NXPH1: variants seen among roughly 807,000 people sequenced by gnomAD.
The protein encoded by NXPH1 is neurexophilin-1.
Under a neutral mutation model 23.7 loss-of-function variants are expected in NXPH1, and 5 were observed. The ratio of observed to expected loss-of-function variants is 0.21; its 90% CI spans 0.11 to 0.44. NXPH1 has a LOEUF of 0.44. Among genes scored for constraint, NXPH1 ranks in the 20% least tolerant of loss-of-function variants. The probability of loss-of-function intolerance (pLI) is 0.99; values close to 1 mark genes in which losing one functional copy is unlikely to be tolerated. For synonymous variants in NXPH1, 144 were observed against 122.2 expected (o/e 1.18, Z -1.18); for missense variants, 324 against 321.6 (o/e 1.01, Z -0.06).
intron 2 of NXPH1, among the ~76,000 whole-genome samples, chr7:8,740,268 A>G (rs1780338712): frequency 6.6e-6 from 1 of 152,202 alleles, no homozygotes; most frequent in Admixed American, 6.5e-5. Flanking sequence ...AGTATAAAAG[A>G]AATGAAGGAA....
At chr7:8,561,385 T>A (rs867443250) in intron 2 of NXPH1, among the ~76,000 whole-genome samples, 3 of 50,990 alleles carry the variant, frequency 5.9e-5, no homozygotes, top group Admixed American at 3.9e-4. Context: ...CACACACACC[T>A]CTCTCTCTCT....
chr7:8,631,137 A>G (rs1002670538), intron 2 of NXPH1, among the ~76,000 whole-genome samples: 3 of 152,192 alleles, frequency 2.0e-5, no homozygotes, highest in Non-Finnish European at 4.4e-5. Context: ...ATAGTATTCT[A>G]TGGTTTATAT....
At chr7:8,683,422 T>C (rs1821088984) in intron 2 of NXPH1, among the ~76,000 whole-genome samples, 1 of 152,122 alleles carries the variant, frequency 6.6e-6, no homozygotes, top group Non-Finnish European at 1.5e-5. Flanking sequence ...GGGCTATATC[T>C]CCAAAGTTTC....
chr7:8,605,272 A>G (rs190015038), intron 2 of NXPH1, among the ~76,000 whole-genome samples: 1 of 152,270 alleles, frequency 6.6e-6, no homozygotes, highest in East Asian at 1.9e-4. Context: ...GCTAATACTC[A>G]ACAGATGGCA....
At chr7:8,578,793 T>C (rs1040617529) in intron 2 of NXPH1, among the ~76,000 whole-genome samples, 2 of 152,154 alleles carry the variant, frequency 1.3e-5, no homozygotes, top group Non-Finnish European at 2.9e-5. Context: ...GCCAAAGTAA[T>C]ATAAGGACCA....
chr7:8,504,636 C>G (rs1285239684), intron 2 of NXPH1, among the ~76,000 whole-genome samples: 1 of 152,012 alleles, frequency 6.6e-6, no homozygotes, highest in African/African-American at 2.4e-5. Context: ...TCTGCATTCC[C>G]TTGATGCTAT....
chr7:8,458,336 G>A (rs972649475), intron 2 of NXPH1, among the ~76,000 whole-genome samples: 2 of 152,184 alleles, frequency 1.3e-5, no homozygotes, highest in Non-Finnish European at 2.9e-5. Flanking sequence ...ACAGATTCAT[G>A]CTGTGGTTGA....
chr7:8,742,723 G>T (rs1780388664), intron 2 of NXPH1, among the ~76,000 whole-genome samples: 1 of 152,120 alleles, frequency 6.6e-6, no homozygotes, highest in Admixed American at 6.5e-5. Context: ...AGGGGTTGAT[G>T]ATGAAGAACA....
chr7:8,442,436 A>G lies in NXPH1; in HGVS notation c.54+6669A>G, dbSNP rs1298729978. Reference sequence around the variant, plus strand: ...AATGGATTCTGAAGCGAAGGATCCTAGCTGCCGCGGCTAAGGGCGCAGGGG... The same window carrying G: ...AATGGATTCTGAAGCGAAGGATCCTGGCTGCCGCGGCTAAGGGCGCAGGGG... On this transcript the variant is annotated intron_variant, in intron 2 of 2. Coordinates refer to ENST00000405863, the MANE Select transcript of NXPH1 (RefSeq NM_152745.3). The surrounding 1 kb of genome is among the most constrained non-coding windows in gnomAD (Gnocchi z 4.6). Among the ~76,000 whole-genome samples, 1 of 152,100 alleles carries G rather than the reference A, an allele frequency of 6.6e-6. No homozygotes were observed. Among genetic ancestry groups the G allele is most frequent in the Non-Finnish European group, 1.5e-5 (1 of 67,996 alleles).
At chr7:8,608,960 A>T (rs1819560597) in intron 2 of NXPH1, among the ~76,000 whole-genome samples, 1 of 152,152 alleles carries the variant, frequency 6.6e-6, no homozygotes, top group Non-Finnish European at 1.5e-5. Flanking sequence ...AATGTCATTG[A>T]TAGGTTCTTG....
chr7:8,671,424 T>C (rs1161530426), intron 2 of NXPH1, among the ~76,000 whole-genome samples: 1 of 152,182 alleles, frequency 6.6e-6, no homozygotes, highest in African/African-American at 2.4e-5. Context: ...GTATTTGCCA[T>C]AAAGAATGAA....
intron 2 of NXPH1, among the ~76,000 whole-genome samples, chr7:8,561,953 G>A (rs994045760): frequency 6.6e-6 from 1 of 151,652 alleles, no homozygotes; most frequent in African/African-American, 2.4e-5. Context: ...CATATACATA[G>A]TGAAACGGTT....
At chr7:8,666,411 T>C (rs550050897) in intron 2 of NXPH1, among the ~76,000 whole-genome samples, 22 of 152,178 alleles carry the variant, frequency 1.4e-4, no homozygotes, top group African/African-American at 5.1e-4. Flanking sequence ...GAAATCCTTT[T>C]AATATGCTGC....
At chr7:8,725,282 G>A (rs1780032925) in intron 2 of NXPH1, among the ~76,000 whole-genome samples, 1 of 152,100 alleles carries the variant, frequency 6.6e-6, no homozygotes, top group African/African-American at 2.4e-5. Flanking sequence ...TTGAGGCCAG[G>A]AGTTCGAGAC....
chr7:8,579,233 G>A (rs1193782768), intron 2 of NXPH1, among the ~76,000 whole-genome samples: 1 of 152,072 alleles, frequency 6.6e-6, no homozygotes, highest in Non-Finnish European at 1.5e-5. Context: ...CCAAATACCT[G>A]CTTTAAAAGA....
At chr7:8,650,592 T>G (rs1820475188) in intron 2 of NXPH1, among the ~76,000 whole-genome samples, 1 of 152,194 alleles carries the variant, frequency 6.6e-6, no homozygotes, top group South Asian at 2.1e-4. Context: ...AGCTTTCTCC[T>G]TTTTGTTTTT....
intron 2 of NXPH1, among the ~76,000 whole-genome samples, chr7:8,448,966 A>ACACTATGGC (rs1448767557): frequency 1.2e-4 from 18 of 152,204 alleles, no homozygotes; most frequent in African/African-American, 4.3e-4. Context: ...CATGTGGCAA[A>ACACTATGGC]CACTATGGCC....
At chr7:8,510,779 T>C (rs990275883) in intron 2 of NXPH1, among the ~76,000 whole-genome samples, 9 of 152,268 alleles carry the variant, frequency 5.9e-5, no homozygotes, top group African/African-American at 1.9e-4. Context: ...TATTCTGTTA[T>C]AGGTTCAAAC....
intron 2 of NXPH1, among the ~76,000 whole-genome samples, chr7:8,723,588 T>G (rs1780003376): frequency 6.6e-6 from 1 of 152,214 alleles, no homozygotes; most frequent in Admixed American, 6.5e-5. Context: ...CCAAGAAGAA[T>G]GCCACCTTTT....
Sources: gnomAD v4.1 joint callset for allele counts (sites outside exome capture counted in the v4.1 genomes callset) on GRCh38, gnomAD v4.1.1 for gene constraint, Gnocchi (gnomAD v3.1) non-coding constraint, MANE v1.5 for transcripts, NCBI Gene and HGNC (gene_info 2026-07-23, HGNC 2026-07-21) for gene names.